Variants in CACNA2D1 observed in about 807,000 individuals in gnomAD.
CACNA2D1 encodes calcium voltage-gated channel auxiliary subunit alpha2delta 1, also known as voltage-dependent calcium channel subunit alpha-2/delta-1.
A neutral mutation model predicts 171.5 loss-of-function variants in CACNA2D1; 53 were observed. The observed-to-expected ratio is 0.31, with a 90% CI of 0.25 to 0.39. CACNA2D1 has a LOEUF of 0.39. Among genes scored for constraint, CACNA2D1 ranks in the 10% least tolerant of loss-of-function variants. CACNA2D1 has a pLI of 1.00. For missense variants in CACNA2D1, 903 were observed against 1,299.8 expected (o/e 0.69, Z 4.69); for synonymous variants, 442 against 443.1 (o/e 1.00, Z 0.03).
At chr7:82,109,990 T>C (rs770956881) in intron 6 of CACNA2D1, among the ~76,000 whole-genome samples, 2 of 152,182 alleles carry the variant, frequency 1.3e-5, no homozygotes, top group Admixed American at 6.5e-5. Context: ...GGATTGTACA[T>C]GTTTAAAATT....
chr7:82,441,435 T>TA (rs1173110730), intron 1 of CACNA2D1, among the ~76,000 whole-genome samples: 1 of 151,948 alleles, frequency 6.6e-6, no homozygotes. Context: ...TTTTCATCGT[T>TA]AAAAAAAATT....
intron 4 of CACNA2D1, among the ~76,000 whole-genome samples, chr7:82,140,617 C>T (rs1352395643): frequency 6.6e-6 from 1 of 151,994 alleles, no homozygotes; most frequent in Non-Finnish European, 1.5e-5. Flanking sequence ...TATATCACCA[C>T]ATCAAAATAT....
chr7:81,994,773 T>TA, intron 20 of CACNA2D1, 95 bp downstream of exon 20: 1 of 708,180 alleles, frequency 1.4e-6, no homozygotes. Context: ...GTTTTATAAG[T>TA]AAATAGTGGA....
intron 1 of CACNA2D1, among the ~76,000 whole-genome samples, chr7:82,439,709 C>T (rs981601228): frequency 1.3e-5 from 2 of 151,088 alleles, no homozygotes; most frequent in Admixed American, 6.6e-5. Context: ...CATAATATTA[C>T]TACTTACGTG....
At chr7:82,066,555 A>G (rs752834409) in intron 7 of CACNA2D1, 31 bp from the exon 8 acceptor site, 2 of 1,576,586 alleles carry the variant, frequency 1.3e-6, no homozygotes, top group Non-Finnish European at 1.7e-6. Flanking sequence ...GAGATATTAA[A>G]TCAAAATATT....
intron 19 of CACNA2D1, among the ~76,000 whole-genome samples, chr7:81,996,732 A>G (rs1184915373): frequency 6.6e-6 from 1 of 151,650 alleles, no homozygotes; most frequent in Admixed American, 6.6e-5. Flanking sequence ...GAAATATGCA[A>G]TTTTGCTTTT....
intron 38 of CACNA2D1, among the ~76,000 whole-genome samples, chr7:81,958,335 T>G (rs546312556): frequency 6.6e-6 from 1 of 152,226 alleles, no homozygotes; most frequent in East Asian, 1.9e-4. Flanking sequence ...TTTGAGTAGG[T>G]AAACTAAATA....
chr7:82,111,109 T>C (rs1415623156), intron 6 of CACNA2D1, among the ~76,000 whole-genome samples: 1 of 151,718 alleles, frequency 6.6e-6, no homozygotes, highest in Admixed American at 6.6e-5. Flanking sequence ...TTTTCATTCC[T>C]ATGATATATA....
At chr7:82,298,279 T>C (rs956029219) in intron 3 of CACNA2D1, among the ~76,000 whole-genome samples, 1 of 152,184 alleles carries the variant, frequency 6.6e-6, no homozygotes, top group Non-Finnish European at 1.5e-5. Context: ...TGTACTAGTA[T>C]ATATAAAAGG....
At chr7:82,394,680 T>C (rs1825588836) in intron 1 of CACNA2D1, among the ~76,000 whole-genome samples, 1 of 152,180 alleles carries the variant, frequency 6.6e-6, no homozygotes, top group Non-Finnish European at 1.5e-5. Flanking sequence ...TTTCCCAGAA[T>C]CTTGTTTCAT....
chr7:82,008,593 TTTAACAAAATCACTC>T (rs1799390342), intron 15 of CACNA2D1, among the ~76,000 whole-genome samples: 1 of 152,156 alleles, frequency 6.6e-6, no homozygotes, highest in African/African-American at 2.4e-5. Flanking sequence ...CAAAACTACA[TTTAACAAAATCACTC>T]TTTAAAATAA....
At chr7:82,160,907 A>T (rs2129131940) in intron 4 of CACNA2D1, among the ~76,000 whole-genome samples, 1 of 152,174 alleles carries the variant, frequency 6.6e-6, no homozygotes, top group East Asian at 1.9e-4. Flanking sequence ...ATATCTTTTC[A>T]TCCCATTTTA....
At position 82,219,144 on chromosome 7, in the gene CACNA2D1, G is replaced by C. The variant is rs541944335; in HGVS notation, c.295-48535C>G. The stretch of plus-strand genomic sequence containing the variant: ...TGAGGTAGCTACCTAATAAACACTT[G>C]TCTAAAATGCATTAAAAGTCTTTGG... On this transcript the variant is annotated intron_variant, in intron 3 of 38. Transcript: ENST00000356860. Among the ~76,000 whole-genome samples the C allele has an allele frequency of 1.2e-4, 18 of 152,182 alleles. 1 individual carries two copies. The highest frequency in any genetic ancestry group is 3.4e-3 in the Middle Eastern group (1 of 294).
At chr7:82,415,518 GA>G (rs980985174) in intron 1 of CACNA2D1, among the ~76,000 whole-genome samples, 1 of 151,386 alleles carries the variant, frequency 6.6e-6, no homozygotes, top group African/African-American at 2.4e-5. Context: ...CGACAAGAGT[GA>G]AACTCCATCT....
At chr7:82,049,857 G>T (rs1391927179) in intron 10 of CACNA2D1, among the ~76,000 whole-genome samples, 1 of 152,160 alleles carries the variant, frequency 6.6e-6, no homozygotes, top group East Asian at 1.9e-4. Context: ...GATAAGACAA[G>T]AAATTATTCT....
chr7:82,218,174 T>C (rs1276654025), intron 3 of CACNA2D1, among the ~76,000 whole-genome samples: 1 of 152,060 alleles, frequency 6.6e-6, no homozygotes, highest in Non-Finnish European at 1.5e-5. Flanking sequence ...GACCTCGTGA[T>C]CCACCCGCCT....
chr7:82,105,398 CTTTTTTTTTTTTTT>C (rs572031121), intron 6 of CACNA2D1, among the ~76,000 whole-genome samples: 5 of 99,472 alleles, frequency 5.0e-5, no homozygotes, highest in South Asian at 4.0e-4. Context: ...CAGTTTTTGT[CTTTTTTTTTTTTTT>C]TTTTTTTTTT....
At chr7:82,432,346 T>C (rs1829756307) in intron 1 of CACNA2D1, among the ~76,000 whole-genome samples, 1 of 152,196 alleles carries the variant, frequency 6.6e-6, no homozygotes, top group Admixed American at 6.5e-5. Flanking sequence ...GACTGATTCT[T>C]AGATCCACTG....
intron 3 of CACNA2D1, among the ~76,000 whole-genome samples, chr7:82,309,601 G>A (rs559203428): frequency 7.2e-5 from 11 of 152,174 alleles, no homozygotes; most frequent in East Asian, 3.9e-4. Context: ...AGCTGTAAAC[G>A]CTGGCTGCTG....
Sources: gnomAD v4.1 joint callset for allele counts (sites outside exome capture counted in the v4.1 genomes callset) on GRCh38, gnomAD v4.1.1 for gene constraint, MANE v1.5 for transcripts, NCBI Gene and HGNC (gene_info 2026-07-23, HGNC 2026-07-21) for gene names.